The following MAMDC2 variants were observed in gnomAD, a reference collection of about 807,000 sequenced individuals.
The protein encoded by MAMDC2 is MAM domain containing 2, also known as MAM domain-containing protein 2.
Under a neutral mutation model 89.8 loss-of-function variants are expected in MAMDC2, and 57 were observed. The ratio of observed to expected loss-of-function variants is 0.63; its 90% CI spans 0.51 to 0.79. The LOEUF (loss-of-function observed/expected upper bound fraction) is 0.79. MAMDC2 is among the 30% of genes least tolerant of loss of function. MAMDC2 has a pLI of 0.00. For missense variants in MAMDC2, 800 were observed against 820.6 expected (o/e 0.97, Z 0.31); for synonymous variants, 313 against 293.4 (o/e 1.07, Z -0.68).
intron 11 of MAMDC2, among the ~76,000 whole-genome samples, chr9:70,197,119 C>A (rs1274837359): frequency 6.6e-6 from 1 of 152,114 alleles, no homozygotes; most frequent in African/African-American, 2.4e-5. Flanking sequence ...TTTACCATCA[C>A]TGAATTTGTC....
At chr9:70,162,307 C>A (rs190100010) in intron 9 of MAMDC2, among the ~76,000 whole-genome samples, 1 of 152,138 alleles carries the variant, frequency 6.6e-6, no homozygotes, top group African/African-American at 2.4e-5. Context: ...CAGCACCCAA[C>A]AAAATTTATT....
chr9:70,077,915 ACACTG>A (rs57701443), intron 2 of MAMDC2, among the ~76,000 whole-genome samples: 28,697 of 151,996 alleles, frequency 0.19, 3,876 homozygotes, highest in African/African-American at 0.38. Context: ...TGAAGTTACA[ACACTG>A]CACTGCATGT....
In MAMDC2 at chr9:70,139,490, T is replaced by C. The variant is rs60967112; in HGVS notation, c.995-655T>C. On this transcript the variant is annotated intron_variant, in intron 7 of 13. Coordinates refer to ENST00000377182, the MANE Select transcript of MAMDC2 (RefSeq NM_153267.5). Reference sequence around the variant, plus strand: ...GCTGCATAGTATTCCATGGTGTATATGTGCCACATTTTCTTAATCCAGTCT... The same window carrying C: ...GCTGCATAGTATTCCATGGTGTATACGTGCCACATTTTCTTAATCCAGTCT... 3.3e-3 allele frequency among the ~76,000 whole-genome samples: 503 copies of C among 151,942 alleles called. 21 individuals are homozygous for C. The East Asian group carries it at 0.084, about 25-fold the overall frequency.
At chr9:70,060,341 T>C (rs1447566285) in intron 2 of MAMDC2, among the ~76,000 whole-genome samples, 2 of 152,176 alleles carry the variant, frequency 1.3e-5, no homozygotes, top group Non-Finnish European at 2.9e-5. Flanking sequence ...GGCTGACACC[T>C]TGTCAGGCTT....
rs575635877 is a variant in MAMDC2 at position 70,081,830 on chromosome 9, A to G, written c.149-26381A>G. On this transcript the variant is annotated intron_variant, in intron 2 of 13. Coordinates refer to ENST00000377182, the MANE Select transcript of MAMDC2 (RefSeq NM_153267.5). ...CCCCAGGCTCAATCCACTAAGCGAA[A>G]GAAATTTCATGAGATCTTTTTTTTT... The G allele has an allele frequency of 2.7e-5, 4 of 149,954 alleles. No homozygotes were observed. The South Asian group carries it at 6.4e-4, about 24-fold the overall frequency. 9.3% of individuals were successfully genotyped at this position (149,954 alleles called of 1,614,324 possible). A position where few individuals can be genotyped will look rare whatever the true frequency, so the allele number is the denominator to read the frequency against.
intron 11 of MAMDC2, among the ~76,000 whole-genome samples, chr9:70,215,887 T>C (rs907371883): frequency 6.6e-6 from 1 of 152,164 alleles, no homozygotes; most frequent in African/African-American, 2.4e-5. Context: ...CTCCCACTGT[T>C]TTAATAAACT....
chr9:70,158,773 C>T (rs914801219), intron 9 of MAMDC2, among the ~76,000 whole-genome samples: 1 of 151,996 alleles, frequency 6.6e-6, no homozygotes, highest in Non-Finnish European at 1.5e-5. Context: ...ATGGTATAGC[C>T]TACTACACAC....
chr9:70,200,914 CTT>C (rs1416909083), intron 11 of MAMDC2, among the ~76,000 whole-genome samples: 1 of 62,308 alleles, frequency 1.6e-5, no homozygotes, highest in African/African-American at 6.7e-5. Flanking sequence ...TATCCTGAGA[CTT>C]TGCTGAAGTT....
chr9:70,144,868 G>A (rs933389162), intron 9 of MAMDC2, among the ~76,000 whole-genome samples: 2 of 152,142 alleles, frequency 1.3e-5, no homozygotes, highest in Non-Finnish European at 1.5e-5. Flanking sequence ...ATAACTTCCT[G>A]CCAAAGAAAT....
At chr9:70,078,220 T>C (rs949510312) in intron 2 of MAMDC2, among the ~76,000 whole-genome samples, 2 of 152,206 alleles carry the variant, frequency 1.3e-5, no homozygotes, top group African/African-American at 4.8e-5. Context: ...ATTTAATCTG[T>C]GTATCTTACT....
intron 2 of MAMDC2, among the ~76,000 whole-genome samples, chr9:70,072,863 CAG>C (rs1205292239): frequency 6.6e-6 from 1 of 151,990 alleles, no homozygotes; most frequent in Non-Finnish European, 1.5e-5. Context: ...TATTTGGAGA[CAG>C]AGTCTCGCTC....
At chr9:70,130,039 T>TGTGTGTGTGTGTGA (rs2030731287) in intron 6 of MAMDC2, among the ~76,000 whole-genome samples, 1 of 151,488 alleles carries the variant, frequency 6.6e-6, no homozygotes, top group Non-Finnish European at 1.5e-5. Context: ...TGTGTGTGTG[T>TGTGTGTGTGTGTGA]GTGTGTGAGA....
chr9:70,102,923 GT>G (rs1828233451), intron 2 of MAMDC2, among the ~76,000 whole-genome samples: 1 of 152,102 alleles, frequency 6.6e-6, no homozygotes, highest in Non-Finnish European at 1.5e-5. Context: ...CAATCCCCCT[GT>G]GATTTCTGCC....
chr9:70,179,841 CAAG>C (rs1050012392), intron 11 of MAMDC2, among the ~76,000 whole-genome samples: 23 of 137,050 alleles, frequency 1.7e-4, no homozygotes, highest in African/African-American at 5.1e-4. Context: ...CCTGAAAATG[CAAG>C]AAAAAAAGGA....
At chr9:70,128,385 C>T (rs1172288804) in intron 6 of MAMDC2, among the ~76,000 whole-genome samples, 1 of 152,178 alleles carries the variant, frequency 6.6e-6, no homozygotes, top group Non-Finnish European at 1.5e-5. Context: ...TCTCATAAGT[C>T]CACATCTTTT....
chr9:70,209,351 A>C (rs560586342), intron 11 of MAMDC2, among the ~76,000 whole-genome samples: 53 of 152,218 alleles, frequency 3.5e-4, no homozygotes, highest in African/African-American at 1.2e-3. Flanking sequence ...TTCCTGGTTT[A>C]GTCTTGGGAG....
intron 2 of MAMDC2, among the ~76,000 whole-genome samples, chr9:70,071,228 G>A (rs1827400505): frequency 6.6e-6 from 1 of 152,096 alleles, no homozygotes; most frequent in South Asian, 2.1e-4. Flanking sequence ...TGAGATGAAG[G>A]AAAACTCGAG....
intron 11 of MAMDC2, among the ~76,000 whole-genome samples, chr9:70,198,318 C>T (rs948190435): frequency 6.6e-6 from 1 of 151,856 alleles, no homozygotes; most frequent in Non-Finnish European, 1.5e-5. Context: ...GGTTGTGGAA[C>T]TTGAGACTAC....
At chr9:70,075,091 T>C (rs1340053733) in intron 2 of MAMDC2, among the ~76,000 whole-genome samples, 1 of 152,204 alleles carries the variant, frequency 6.6e-6, no homozygotes, top group African/African-American at 2.4e-5. Context: ...TTTACAACGT[T>C]TAGCTCACTG....
Sources: allele counts gnomAD v4.1 joint callset (sites outside exome capture counted in the v4.1 genomes callset), GRCh38; gene constraint gnomAD v4.1.1; transcripts MANE v1.5; gene names NCBI Gene and HGNC (gene_info 2026-07-23, HGNC 2026-07-21).